The following KLHL15 variants were observed in gnomAD, a reference collection of about 807,000 sequenced individuals.
KLHL15 encodes the protein kelch like family member 15.
KLHL15 carries 1 observed loss-of-function variant against 29.3 expected under a neutral mutation model. That is an observed-to-expected ratio of 0.03 (90% CI 0.01 to 0.16). KLHL15 has a LOEUF of 0.16. KLHL15 is among the 10% of genes least tolerant of loss of function. The probability of loss-of-function intolerance (pLI) is 1.00; values close to 1 mark genes in which losing one functional copy is unlikely to be tolerated. For missense variants in KLHL15, 215 were observed against 478.5 expected, an observed-to-expected ratio of 0.45 and a Z score of 5.14; for synonymous variants, 212 against 184.5, an observed-to-expected ratio of 1.15 and a Z score of -1.21.
chrX:23,988,426 G>A lies in KLHL15; in HGVS notation c.1310C>T (p.Ser437Phe). Residue 437 changes from serine (S) to phenylalanine (F), a missense_variant, in exon 4 of 4, where the codon TCT (serine) becomes TTT (phenylalanine). By Grantham distance (155) the Ser-to-Phe change is radical (BLOSUM62 -2). Coordinates refer to ENST00000328046, the MANE Select transcript of KLHL15 (RefSeq NM_030624.3). ...CACGCACACTTGCTTGGAGGTGGAA[G>A]ATGAGGTGATTCCACCGGTGATAAA... Reference protein sequence around the residue: ...KLFITGGITSSSTSKQVCVFD... With the variant: ...KLFITGGITSFSTSKQVCVFD... The A allele has an allele frequency of 8.3e-7, 1 of 1,211,847 alleles. No individual in the cohort carries two copies. The highest frequency in any genetic ancestry group is 1.1e-6 in the Non-Finnish European group (1 of 895,496).
chrX:24,018,577 C>G (rs1355350353), intron 2 of KLHL15, among the ~76,000 whole-genome samples: 1 of 110,981 alleles, frequency 9.0e-6, no homozygotes, highest in Non-Finnish European at 1.9e-5. Context: ...CATTTTTGTG[C>G]CTAAGAATGA....
intron 3 of KLHL15, among the ~76,000 whole-genome samples, chrX:24,004,089 G>C (rs904861685): frequency 5.4e-5 from 6 of 111,013 alleles, no homozygotes; most frequent in Non-Finnish European, 1.1e-4. Context: ...TGTGTCCCTA[G>C]AACGAATGGG....
Position 24,002,227 on chromosome X carries a change from A to C in KLHL15, c.705+3762T>G, listed in dbSNP as rs182203730. 2.9e-4 allele frequency among the ~76,000 whole-genome samples: 33 copies of C among 112,676 alleles called. 1 individual carries two copies. The East Asian group carries it at 9.1e-3, about 31-fold the overall frequency. On this transcript the variant is annotated intron_variant, in intron 3 of 3. Coordinates refer to ENST00000328046, the MANE Select transcript of KLHL15 (RefSeq NM_030624.3). ...CTTCATAAAATGTTTTCAATAAAAC[A>C]ATCATTGTTTTTTAAAAATCAAAGA...
intron 3 of KLHL15, 65 bp from the exon 4 acceptor site, chrX:23,989,095 GCTGA>G (rs1489637195): frequency 2.1e-6 from 2 of 938,214 alleles, no homozygotes; most frequent in Non-Finnish European, 2.9e-6. Context: ...AATTATCAAA[GCTGA>G]CTAATACGAT....
At chrX:23,996,679 C>CA (rs1276219605) in intron 3 of KLHL15, among the ~76,000 whole-genome samples, 2 of 111,153 alleles carry the variant, frequency 1.8e-5, no homozygotes, top group Non-Finnish European at 3.8e-5. Context: ...CAAAACAAAA[C>CA]AAAAAAACCC....
In KLHL15 at chrX:23,984,752, T is replaced by A. The variant is rs1320555386; in HGVS notation, c.*3169A>T. The A allele has an allele frequency of 8.9e-6, 1 of 112,418 alleles. No individual in the cohort carries two copies. The highest frequency in any genetic ancestry group is 3.2e-5 in the African/African-American group (1 of 31,021). 9.3% of individuals were successfully genotyped at this position (112,418 alleles called of 1,213,427 possible). A position where few individuals can be genotyped will look rare whatever the true frequency, so the allele number is the denominator to read the frequency against. On this transcript the variant is annotated 3_prime_UTR_variant, in exon 4 of 4. Coordinates refer to ENST00000328046, the MANE Select transcript of KLHL15 (RefSeq NM_030624.3). ...TAAAATATTTTAAAGCTTAGTTTCA[T>A]GTAATTAAGACAAAACTCCATTTTT... is the stretch of plus-strand genomic sequence containing the variant.
chrX:23,995,111 C>T (rs1294414381), intron 3 of KLHL15, among the ~76,000 whole-genome samples: 1 of 111,758 alleles, frequency 8.9e-6, no homozygotes, highest in Non-Finnish European at 1.9e-5. Flanking sequence ...TACACATACA[C>T]ACACACACGC....
intron 2 of KLHL15, among the ~76,000 whole-genome samples, chrX:24,024,172 G>A (rs1355041225): frequency 8.9e-6 from 1 of 111,998 alleles, no homozygotes; most frequent in East Asian, 2.8e-4. Flanking sequence ...TAAGCAGTTA[G>A]CACTTCGTAG....
At chrX:24,010,016 A>G (rs1291918504) in intron 2 of KLHL15, among the ~76,000 whole-genome samples, 2 of 107,443 alleles carry the variant, frequency 1.9e-5, no homozygotes, top group Non-Finnish European at 3.8e-5. Context: ...AAAGACTTCA[A>G]CACCTGGCTA....
chrX:24,026,155 C>A, intron 1 of KLHL15, among the ~76,000 whole-genome samples: 1 of 111,964 alleles, frequency 8.9e-6, no homozygotes, highest in Middle Eastern at 4.6e-3. Context: ...ACTATTGCGT[C>A]ACTGTCCACT....
rs1323317938 is a variant in KLHL15, at chrX:23,985,119, C to T, written c.*2802G>A. On this transcript the variant is annotated 3_prime_UTR_variant, in exon 4 of 4. Coordinates refer to ENST00000328046, the MANE Select transcript of KLHL15 (RefSeq NM_030624.3). ...AGAAGGTCAAAGACACGGAAGAGAACAAATGGTTCTAATTAAGATGTAATT... is the reference window on the plus strand; with the variant it reads ...AGAAGGTCAAAGACACGGAAGAGAATAAATGGTTCTAATTAAGATGTAATT... 8.9e-6 allele frequency: 1 copy of T among 111,781 alleles called. No individual in the cohort carries two copies. The highest frequency in any genetic ancestry group is 1.9e-5 in the Non-Finnish European group (1 of 53,096). 9.2% of individuals were successfully genotyped at this position (111,781 alleles called of 1,213,427 possible).
At position 24,006,055 on chromosome X, in the gene KLHL15, T is replaced by C. The variant is rs762136229; in HGVS notation, c.639A>G (p.Arg213=). 3.3e-6 allele frequency: 4 copies of C among 1,211,388 alleles called. No individual in the cohort carries two copies. The South Asian group carries it at 7.0e-5, about 21-fold the overall frequency. The change falls in exon 3 of 4, where the codon AGA becomes AGG. Residue 213 remains arginine, a synonymous_variant. Coordinates refer to ENST00000328046, the MANE Select transcript of KLHL15 (RefSeq NM_030624.3). ...SWLRHDRRRW[R]HTDTIIQNIR... ...TATTCTGAATGATGGTATCGGTATGTCTCCAGCGTCTTCTATCATGCCGCA... is the reference window on the plus strand; with the variant it reads ...TATTCTGAATGATGGTATCGGTATGCCTCCAGCGTCTTCTATCATGCCGCA...
intron 2 of KLHL15, among the ~76,000 whole-genome samples, chrX:24,015,856 G>A (rs200836496): frequency 1.6e-4 from 18 of 110,464 alleles, no homozygotes; most frequent in African/African-American, 4.0e-4. Context: ...AAAATTAGCC[G>A]GGCATGGTAG....
chrX:24,016,849 C>G (rs1929697217), intron 2 of KLHL15, among the ~76,000 whole-genome samples: 1 of 110,877 alleles, frequency 9.0e-6, no homozygotes, highest in South Asian at 3.8e-4. Flanking sequence ...TAAGCCTGAT[C>G]TAGTTAACTT....
chrX:23,985,884 G>C lies in KLHL15; in HGVS notation c.*2037C>G, dbSNP rs1213556503. 1 of 110,619 alleles carries C rather than the reference G, an allele frequency of 9.0e-6. No individual in the cohort carries two copies. The allele number at this position is 110,619 out of a possible 1,213,427, so 9.1% of individuals were successfully genotyped here. A position where few individuals can be genotyped will look rare whatever the true frequency, so the allele number is the denominator to read the frequency against. On this transcript the variant is annotated 3_prime_UTR_variant, in exon 4 of 4. Coordinates refer to ENST00000328046, the MANE Select transcript of KLHL15 (RefSeq NM_030624.3). ...CATACAAAGCCACTAAACTAATGTAGAAAAAAATTAAATGGCTAACTTATT... is the reference window on the plus strand; with the variant it reads ...CATACAAAGCCACTAAACTAATGTACAAAAAAATTAAATGGCTAACTTATT...
intron 3 of KLHL15, among the ~76,000 whole-genome samples, chrX:24,002,603 GTT>G (rs576565042): frequency 4.3e-4 from 36 of 83,688 alleles, no homozygotes; most frequent in South Asian, 1.8e-3. Flanking sequence ...CCTAGGCTAT[GTT>G]TTTTTTTTTT....
At chrX:23,990,502 G>A (rs779266421) in intron 3 of KLHL15, among the ~76,000 whole-genome samples, 68 of 111,952 alleles carry the variant, frequency 6.1e-4, no homozygotes, top group African/African-American at 2.0e-3. Context: ...ATTAGATAGC[G>A]TAGAGATAAC....
intron 2 of KLHL15, among the ~76,000 whole-genome samples, chrX:24,020,402 T>C (rs1017566708): frequency 3.6e-5 from 4 of 111,899 alleles, no homozygotes; most frequent in Non-Finnish European, 7.5e-5. Flanking sequence ...TAAGTTAACT[T>C]TAATTTGTTT....
chrX:24,009,686 CAAAA>C (rs748388349), intron 2 of KLHL15, among the ~76,000 whole-genome samples: 7 of 34,223 alleles, frequency 2.0e-4, no homozygotes, highest in East Asian at 9.5e-4. Flanking sequence ...GTTCCATTTT[CAAAA>C]AAAAAAAAAA....
Sources: allele counts gnomAD v4.1 joint callset (sites outside exome capture counted in the v4.1 genomes callset), GRCh38; gene constraint gnomAD v4.1.1; transcripts MANE v1.5; gene names NCBI Gene and HGNC (gene_info 2026-07-23, HGNC 2026-07-21).